The following EFHD1 variants were observed in gnomAD, a reference collection of about 807,000 sequenced individuals.
EFHD1 encodes EF-hand domain-containing protein D1.
A neutral mutation model predicts 17.2 loss-of-function variants in EFHD1; 10 were observed. That is an observed-to-expected ratio of 0.58 (90% confidence interval 0.36 to 0.99). The LOEUF (loss-of-function observed/expected upper bound fraction) is 0.99. Ranked by LOEUF, EFHD1 falls within the 50% of genes least tolerant of loss-of-function variation. EFHD1 has a pLI of 0.01. For missense variants in EFHD1, 310 were observed against 327.5 expected (o/e 0.95, Z 0.41); for synonymous variants, 153 against 142.0 (o/e 1.08, Z -0.55).
chr2:232,616,225 A>G (rs1319991646), intron 1 of EFHD1, among the ~76,000 whole-genome samples: 1 of 152,174 alleles, frequency 6.6e-6, no homozygotes, highest in African/African-American at 2.4e-5. Flanking sequence ...CACCTGAGAC[A>G]ACGTGGATGA....
At chr2:232,637,164 GC>G (rs1694333405) in intron 1 of EFHD1, among the ~76,000 whole-genome samples, 1 of 152,152 alleles carries the variant, frequency 6.6e-6, no homozygotes, top group African/African-American at 2.4e-5. Context: ...CAACGTGTCA[GC>G]CGGGCTGTGC....
At chr2:232,606,138 G>A (rs200654338) in exon 1 of EFHD1, 39 of 1,550,052 alleles carry the variant, frequency 2.5e-5, no homozygotes, top group Admixed American at 1.4e-4. Context: ...GATCTGTAAC[G>A]CTGACAGTCC....
intron 1 of EFHD1, among the ~76,000 whole-genome samples, chr2:232,628,327 C>T (rs1694144886): frequency 6.6e-6 from 1 of 152,176 alleles, no homozygotes; most frequent in Non-Finnish European, 1.5e-5. Context: ...TCCCAAAGTG[C>T]TGGGATTACA....
chr2:232,643,098 C>T (rs1694461730), intron 1 of EFHD1, among the ~76,000 whole-genome samples: 1 of 152,040 alleles, frequency 6.6e-6, no homozygotes, highest in South Asian at 2.1e-4. Flanking sequence ...GTGAGTTTCC[C>T]CGAGTCACAT....
At chr2:232,640,704 A>G (rs192466630) in intron 1 of EFHD1, among the ~76,000 whole-genome samples, 1 of 151,888 alleles carries the variant, frequency 6.6e-6, no homozygotes, top group Non-Finnish European at 1.5e-5. Context: ...CCACCCACAT[A>G]CAGGAGGACA....
chr2:232,643,999 T>G (rs1001767690), intron 1 of EFHD1, among the ~76,000 whole-genome samples: 1 of 152,156 alleles, frequency 6.6e-6, no homozygotes, highest in Non-Finnish European at 1.5e-5. Flanking sequence ...TTCCCTGTGA[T>G]TTTTCTCTTG....
At chr2:232,649,460 G>A (rs1055072408) in intron 1 of EFHD1, among the ~76,000 whole-genome samples, 15 of 152,280 alleles carry the variant, frequency 9.9e-5, no homozygotes, top group Admixed American at 3.3e-4. Context: ...TTTGTGGAGC[G>A]GTAGCACAGT....
intron 1 of EFHD1, chr2:232,638,471 T>C (rs758893918): frequency 2.1e-6 from 1 of 471,034 alleles, no homozygotes. Flanking sequence ...AAGACACCAG[T>C]GAAACCCAAA....
At chr2:232,617,497 C>T (rs968792892) in intron 1 of EFHD1, among the ~76,000 whole-genome samples, 13 of 148,610 alleles carry the variant, frequency 8.7e-5, no homozygotes, top group Non-Finnish European at 1.6e-4. Flanking sequence ...AAAAAAAATA[C>T]AAAAAAATTA....
chr2:232,631,768 G>A (rs1694207667), upstream of EFHD1, among the ~76,000 whole-genome samples: 1 of 149,932 alleles, frequency 6.7e-6, no homozygotes, highest in African/African-American at 2.4e-5. Flanking sequence ...TCGGGAGGCC[G>A]AGGTGGGAGG....
chr2:232,610,854 G>A (rs1693803713), intron 1 of EFHD1: 1 of 152,186 alleles, frequency 6.6e-6, no homozygotes, highest in Non-Finnish European at 1.5e-5. Context: ...TCCAGCCTGG[G>A]TGACAGAGCA....
chr2:232,681,247 A>AT (rs1695277078), intron 3 of EFHD1, among the ~76,000 whole-genome samples: 1 of 152,226 alleles, frequency 6.6e-6, no homozygotes, highest in South Asian at 2.1e-4. Context: ...ATTGAACAAT[A>AT]TTAGTGTGAA....
In EFHD1 at chr2:232,672,332, C is replaced by G. The variant is rs375896241; in HGVS notation, c.474C>G (p.Ala158=). The G allele has an allele frequency of 2.5e-6, 4 of 1,614,122 alleles. No individual in the cohort carries two copies. The highest frequency in any genetic ancestry group is 3.4e-6 in the Non-Finnish European group (4 of 1,180,018). Residue 158 remains alanine, a synonymous_variant, in exon 3 of 4, where the codon GCC becomes GCG. Coordinates refer to ENST00000264059, the MANE Select transcript of EFHD1 (RefSeq NM_025202.4). ...AGTTCCTGCTCATTTTCCACAAGGC[C>G]GCGGCAGGGGAGCTGCAGGAGGACA... is the stretch of plus-strand genomic sequence containing the variant. ...FREFLLIFHK[A]AAGELQEDSG...
intron 3 of EFHD1, among the ~76,000 whole-genome samples, chr2:232,676,703 A>G (rs1300435835): frequency 6.6e-6 from 1 of 152,172 alleles, no homozygotes; most frequent in South Asian, 2.1e-4. Context: ...AGTTGAAACC[A>G]AGGATTAGAG....
intron 1 of EFHD1, among the ~76,000 whole-genome samples, chr2:232,662,155 G>C (rs1280475115): frequency 6.6e-6 from 1 of 152,120 alleles, no homozygotes; most frequent in Non-Finnish European, 1.5e-5. Flanking sequence ...TCCTGGCTGG[G>C]GGCTGGGGGG....
intron 3 of EFHD1, among the ~76,000 whole-genome samples, chr2:232,679,799 C>T (rs556027931): frequency 6.7e-6 from 1 of 149,914 alleles, no homozygotes; most frequent in South Asian, 2.1e-4. Context: ...TATAAATGGG[C>T]AATTTACAAA....
intron 1 of EFHD1, chr2:232,611,655 C>G (rs1316366784): frequency 1.3e-5 from 2 of 152,290 alleles, no homozygotes; most frequent in African/African-American, 4.8e-5. Flanking sequence ...TCTGATACCC[C>G]TAAGGCAAGA....
At chr2:232,627,011 C>CCT (rs1694111929) in intron 1 of EFHD1, among the ~76,000 whole-genome samples, 1 of 72,692 alleles carries the variant, frequency 1.4e-5, no homozygotes, top group Non-Finnish European at 3.1e-5. Context: ...ATAGTGAGAT[C>CCT]CTGTCTCTCT....
At chr2:232,627,065 T>TATA (rs1553596266) in intron 1 of EFHD1, among the ~76,000 whole-genome samples, 21 of 77,688 alleles carry the variant, frequency 2.7e-4, no homozygotes, top group Admixed American at 1.3e-3. Flanking sequence ...TATATATATA[T>TATA]TTTTTTTTTT....
Sources: allele counts gnomAD v4.1 joint callset (sites outside exome capture counted in the v4.1 genomes callset), GRCh38; gene constraint gnomAD v4.1.1; transcripts MANE v1.5; gene names NCBI Gene and HGNC (gene_info 2026-07-23, HGNC 2026-07-21).